ICE2: variants seen among roughly 807,000 people sequenced by gnomAD.
ICE2 encodes interactor of little elongation complex ELL subunit 2.
Under a neutral mutation model 105.4 loss-of-function variants are expected in ICE2, and 87 were observed. The ratio of observed to expected loss-of-function variants is 0.83; its 90% CI spans 0.69 to 0.99. ICE2 has a LOEUF of 0.99. Among genes scored for constraint, ICE2 ranks in the 50% least tolerant of loss-of-function variants. ICE2 has a pLI of 0.00. For synonymous variants in ICE2, 399 were observed against 392.0 expected, an observed-to-expected ratio of 1.02 and a Z score of -0.21; for missense variants, 1,323 against 1,146.7, an observed-to-expected ratio of 1.15 and a Z score of -2.22.
At chr15:60,470,692 AAATG>A (rs1266290908) in intron 3 of ICE2, among the ~76,000 whole-genome samples, 1 of 152,196 alleles carries the variant, frequency 6.6e-6, no homozygotes, top group Non-Finnish European at 1.5e-5. Context: ...TAAATACTTT[AAATG>A]AACTTAAATA....
chr15:60,444,332 G>A (rs2063779334), intron 11 of ICE2, among the ~76,000 whole-genome samples: 1 of 151,958 alleles, frequency 6.6e-6, no homozygotes, highest in South Asian at 2.1e-4. Flanking sequence ...CCTAAAACCA[G>A]TTTAATTTCT....
At chr15:60,466,175 T>A (rs972134112) in intron 5 of ICE2, among the ~76,000 whole-genome samples, 3 of 152,168 alleles carry the variant, frequency 2.0e-5, no homozygotes, top group Admixed American at 6.5e-5. Context: ...AAAAATGAAC[T>A]CAGAGTTGAA....
In ICE2 at chr15:60,449,811, T is replaced by G. The variant is rs536437049; in HGVS notation, c.1156A>C (p.Ile386Leu). 3 of 1,613,386 alleles carry G rather than the reference T, an allele frequency of 1.9e-6. No homozygotes were observed. The highest frequency in any genetic ancestry group is 2.2e-5 in the South Asian group (2 of 90,930). Residue 386 changes from isoleucine (I) to leucine (L), a missense_variant, in exon 10 of 16, where the codon ATT becomes CTT. Coordinates refer to ENST00000261520, the MANE Select transcript of ICE2 (RefSeq NM_024611.6). ...MSCEVNECRK[I>L]ESLENLYLDF... ...AAATACAAGTTTTCAAGACTCTCAA[T>G]TTTTCGGCACTCGTTGACTTCACAG... is the stretch of plus-strand genomic sequence containing the variant.
At position 60,428,422 on chromosome 15, in the gene ICE2, A is replaced by T; in HGVS notation, c.2820+7T>A. On this transcript the variant is annotated splice_region_variant and intron_variant, in intron 15 of 15. Transcript: ENST00000261520. ...TAATGAACCTTTAATTTCAAAAAAG[A>T]TCTTACCTTTTGTTGTGTTGTGGTA... The T allele has an allele frequency of 1.2e-6, 2 of 1,608,576 alleles. No homozygotes were observed. Among genetic ancestry groups the T allele is most frequent in the East Asian group, 4.5e-5 (2 of 44,798 alleles).
chr15:60,426,359 G>A (rs770981343), intron 15 of ICE2, among the ~76,000 whole-genome samples: 8 of 152,152 alleles, frequency 5.3e-5, no homozygotes, highest in Non-Finnish European at 1.2e-4. Context: ...GCAACATGCT[G>A]TACAGGTCTG....
At chr15:60,451,436 A>C (rs2141072092) in intron 9 of ICE2, 1 of 976,538 alleles carries the variant, frequency 1.0e-6, no homozygotes, top group South Asian at 4.7e-5. Context: ...ATCATTAAGA[A>C]AAATGTAAAC....
At position 60,454,864 on chromosome 15, in the gene ICE2, C is replaced by T. The variant is rs946407333; in HGVS notation, c.943+139G>A. The T allele has an allele frequency of 2.3e-5, 16 of 683,696 alleles. No individual in the cohort carries two copies. The African/African-American group carries it at 2.7e-4, about 11-fold the overall frequency. 42.4% of individuals were successfully genotyped at this position (683,696 alleles called of 1,614,324 possible). ...ATGCTCTCTCTCACCTTGCCCCCCA[C>T]CCCCTGACAGGCCCCGGTGTGTGTT... On this transcript the variant is annotated intron_variant, in intron 8 of 15. Coordinates refer to ENST00000261520, the MANE Select transcript of ICE2 (RefSeq NM_024611.6).
chr15:60,440,931 A>C (rs900568032), intron 12 of ICE2: 5 of 152,230 alleles, frequency 3.3e-5, no homozygotes, highest in African/African-American at 1.2e-4. Flanking sequence ...AATAATCAGC[A>C]GTTAGGATTA....
Position 60,468,321 on chromosome 15 carries a change from G to A in ICE2, c.148C>T (p.Arg50Cys), listed in dbSNP as rs768336476. The A allele has an allele frequency of 2.1e-5, 33 of 1,593,744 alleles. No homozygotes were observed. Among genetic ancestry groups the A allele is most frequent in the Non-Finnish European group, 2.5e-5 (29 of 1,166,524 alleles). ...LKELRVLSNR[R>C]IGENLNASAS... ...GAGGCATTCAAATTTTCTCCTATAC[G>A]TCTGGAAAACAAAATATAATTTACA... Residue 50 changes from arginine (R) to cysteine (C), a missense_variant and splice_region_variant, in exon 4 of 16, where the codon CGT becomes TGT. Arg to Cys is a radical substitution (Grantham distance 180, BLOSUM62 -3). Coordinates refer to ENST00000261520, the MANE Select transcript of ICE2 (RefSeq NM_024611.6).
rs893267086 is a variant in ICE2, at chr15:60,452,358, C to T, written c.1125+1245G>A. 5 of 662,840 alleles carry T rather than the reference C, an allele frequency of 7.5e-6. No individual in the cohort carries two copies. The African/African-American group carries it at 9.8e-5, about 13-fold the overall frequency. The allele number at this position is 662,840 out of a possible 1,614,324, so 41.1% of individuals were successfully genotyped here. ...GTTTGCTCCCTCATTTTACTCAAGT[C>T]TCTGTCCACATTTCCTATCCTCAGA... On this transcript the variant is annotated intron_variant, in intron 9 of 15. Transcript: ENST00000261520.
At chr15:60,427,083 C>T (rs2063353780) in intron 15 of ICE2, among the ~76,000 whole-genome samples, 2 of 152,200 alleles carry the variant, frequency 1.3e-5, no homozygotes, top group African/African-American at 4.8e-5. Flanking sequence ...AAGGAGTTCT[C>T]ATTTCTAAAA....
intron 8 of ICE2, 124 bp downstream of exon 8, chr15:60,454,879 C>T (rs771753348): frequency 4.0e-5 from 33 of 816,834 alleles, no homozygotes; most frequent in Admixed American, 6.4e-5. Context: ...TGACAGGCCC[C>T]GGTGTGTGTT....
chr15:60,455,238 A>C (rs563592263), intron 7 of ICE2, 76 bp from the exon 8 acceptor site: 1 of 1,520,450 alleles, frequency 6.6e-7, no homozygotes, highest in African/African-American at 1.4e-5. Context: ...AAAAAGTCAG[A>C]AAGGGGACTT....
chr15:60,476,166 C>A lies in ICE2; in HGVS notation c.43G>T (p.Asp15Tyr). 3.2e-6 allele frequency: 5 copies of A among 1,570,140 alleles called. No homozygotes were observed. Among genetic ancestry groups the A allele is most frequent in the Non-Finnish European group, 4.3e-6 (5 of 1,149,640 alleles). The change falls in exon 3 of 16, where the codon GAT becomes TAT. Residue 15 changes from aspartate (D) to tyrosine (Y), a missense_variant and splice_region_variant. Coordinates refer to ENST00000261520, the MANE Select transcript of ICE2 (RefSeq NM_024611.6). ...TTAAGGCCATTTTTGGGGGAAATAT[C>A]CCTGTGAAACAAAGTAATTTACTTA... is the stretch of plus-strand genomic sequence containing the variant. ...MVISEPGLNW[D>Y]ISPKNGLKTF...
At chr15:60,432,609 C>T (rs1195805296) in intron 13 of ICE2, among the ~76,000 whole-genome samples, 1 of 151,686 alleles carries the variant, frequency 6.6e-6, no homozygotes, top group Non-Finnish European at 1.5e-5. Context: ...AAAAAAAACG[C>T]TGGCCGGGTG....
Position 60,448,985 on chromosome 15 carries a change from C to G in ICE2, c.1982G>C (p.Arg661Thr). The G allele has an allele frequency of 6.2e-7, 1 of 1,614,008 alleles. No homozygotes were observed. Among genetic ancestry groups the G allele is most frequent in the Non-Finnish European group, 8.5e-7 (1 of 1,179,998 alleles). Reference protein sequence around the residue: ...MQDELLKPISRKVPELPLMNL... With the variant: ...MQDELLKPISTKVPELPLMNL... The stretch of plus-strand genomic sequence containing the variant: ...CATTAAGGGCAATTCTGGTACTTTT[C>G]TGGAAATTGGCTTTAAGAGCTCATC... Residue 661 changes from arginine to threonine, a missense_variant, in exon 10 of 16, where the codon AGA (arginine) becomes ACA (threonine). Coordinates refer to ENST00000261520, the MANE Select transcript of ICE2 (RefSeq NM_024611.6).
chr15:60,476,164 A>C lies in ICE2; in HGVS notation c.45T>G (p.Asp15Glu). The C allele has an allele frequency of 6.3e-7, 1 of 1,582,300 alleles. No homozygotes were observed. The highest frequency in any genetic ancestry group is 2.3e-5 in the East Asian group (1 of 44,440). Residue 15 changes from aspartate to glutamate, a missense_variant, in exon 3 of 16, where the codon GAT becomes GAG. Physicochemically the swap from Asp to Glu is conservative, Grantham distance 45. Transcript: ENST00000261520. ...MVISEPGLNW[D>E]ISPKNGLKTF... is the part of the protein sequence containing the mutation. ...TCTTAAGGCCATTTTTGGGGGAAATATCCCTGTGAAACAAAGTAATTTACT... is the reference window on the plus strand; with the variant it reads ...TCTTAAGGCCATTTTTGGGGGAAATCTCCCTGTGAAACAAAGTAATTTACT...
intron 11 of ICE2, among the ~76,000 whole-genome samples, chr15:60,447,280 C>G (rs1459421214): frequency 6.6e-6 from 1 of 152,130 alleles, no homozygotes; most frequent in African/African-American, 2.4e-5. Context: ...GTGAAAAGAA[C>G]TCGAGTTCAC....
intron 12 of ICE2, chr15:60,442,023 G>A (rs2063730136): frequency 6.4e-6 from 1 of 156,458 alleles, no homozygotes; most frequent in African/African-American, 2.4e-5. Context: ...AGGTCAGCAT[G>A]GTAGGTCATC....
Sources: gnomAD v4.1 joint callset for allele counts (sites outside exome capture counted in the v4.1 genomes callset) on GRCh38, gnomAD v4.1.1 for gene constraint, MANE v1.5 for transcripts, NCBI Gene and HGNC (gene_info 2026-07-23, HGNC 2026-07-21) for gene names.